The following ELMO1 variants were observed in gnomAD, a reference collection of about 807,000 sequenced individuals.
ELMO1 encodes engulfment and cell motility protein 1.
In ELMO1, 26 loss-of-function variants were observed where a neutral mutation model predicts 98.9. The ratio of observed to expected loss-of-function variants is 0.26; its 90% CI spans 0.19 to 0.36. The LOEUF is 0.36. ELMO1 is among the 10% of genes least tolerant of loss of function. The pLI, the probability that ELMO1 is intolerant of heterozygous loss-of-function variation, is 1.00. For synonymous variants in ELMO1, 346 were observed against 346.0 expected (o/e 1.00, Z 0.00); for missense variants, 627 against 935.2 (o/e 0.67, Z 4.30).
chr7:37,412,708 T>A (rs1804044770), intron 1 of ELMO1, among the ~76,000 whole-genome samples: 1 of 152,048 alleles, frequency 6.6e-6, no homozygotes, highest in Admixed American at 6.6e-5. Context: ...ACATGCAGAG[T>A]GTGTGGGAAG....
intron 13 of ELMO1, among the ~76,000 whole-genome samples, chr7:37,165,503 T>C (rs1337301406): frequency 2.0e-5 from 3 of 152,298 alleles, no homozygotes; most frequent in Admixed American, 2.0e-4. Flanking sequence ...TATTTTGAGA[T>C]ATGTCCCATC....
chr7:37,014,211 T>G (rs1337200830), intron 15 of ELMO1, among the ~76,000 whole-genome samples: 2 of 152,152 alleles, frequency 1.3e-5, no homozygotes. Flanking sequence ...TCATCCCATC[T>G]GTCAAGCTTA....
At chr7:36,922,635 T>C (rs1345705814) in intron 16 of ELMO1, among the ~76,000 whole-genome samples, 1 of 152,144 alleles carries the variant, frequency 6.6e-6, no homozygotes, top group African/African-American at 2.4e-5. Context: ...AGAAGCTCCA[T>C]CTTATAAATG....
intron 15 of ELMO1, among the ~76,000 whole-genome samples, chr7:37,092,843 A>C (rs1454312930): frequency 1.3e-5 from 2 of 152,128 alleles, no homozygotes; most frequent in Non-Finnish European, 2.9e-5. Flanking sequence ...CTGTGATTCC[A>C]AGATGGGTCA....
At chr7:37,216,786 C>T (rs1050167809) in intron 10 of ELMO1, 91 bp from the exon 11 acceptor site, 5 of 1,314,684 alleles carry the variant, frequency 3.8e-6, no homozygotes, top group East Asian at 2.3e-5. Flanking sequence ...GGGTGTGCTT[C>T]GTAACTGTAT....
intron 1 of ELMO1, among the ~76,000 whole-genome samples, chr7:37,402,155 T>A (rs1456528169): frequency 6.6e-6 from 1 of 152,230 alleles, no homozygotes; most frequent in Non-Finnish European, 1.5e-5. Context: ...GTCATGAACC[T>A]GTTGATGAGT....
rs181001006 is a variant in ELMO1, at chr7:37,378,850, C to A, written c.-73-36087G>T. Among the ~76,000 whole-genome samples, 7 of 152,226 alleles carry A rather than the reference C, an allele frequency of 4.6e-5. No individual in the cohort carries two copies. The East Asian group carries it at 1.4e-3, about 29-fold the overall frequency. On this transcript the variant is annotated intron_variant, in intron 1 of 21. Coordinates refer to ENST00000310758, the MANE Select transcript of ELMO1 (RefSeq NM_014800.11). ...CTTCTCCTTTCACCGCTACTGCCACCATCACTTTTGCTTGGACTCCTGCAG... is the reference window on the plus strand; with the variant it reads ...CTTCTCCTTTCACCGCTACTGCCACAATCACTTTTGCTTGGACTCCTGCAG...
At chr7:37,290,034 A>G (rs577874137) in intron 4 of ELMO1, among the ~76,000 whole-genome samples, 49 of 152,364 alleles carry the variant, frequency 3.2e-4, no homozygotes, top group African/African-American at 1.2e-3. Context: ...CAATTGGGAA[A>G]GCCACGCTAA....
At chr7:37,371,585 C>A (rs755457523) in intron 1 of ELMO1, among the ~76,000 whole-genome samples, 2 of 152,108 alleles carry the variant, frequency 1.3e-5, no homozygotes, top group Non-Finnish European at 2.9e-5. Context: ...ATATATATTT[C>A]AATTGGCTAT....
chr7:37,196,307 G>T (rs778218618), intron 13 of ELMO1, among the ~76,000 whole-genome samples: 16 of 152,194 alleles, frequency 1.1e-4, no homozygotes, highest in Non-Finnish European at 1.9e-4. Flanking sequence ...CCAAACACTG[G>T]CCCTGCCACT....
intron 5 of ELMO1, chr7:37,271,553 C>T (rs1796559449): frequency 2.6e-6 from 1 of 381,646 alleles, no homozygotes; most frequent in East Asian, 4.9e-5. Context: ...CAGAACAACT[C>T]ATAATGTTTT....
chr7:37,052,941 T>C (rs1796189306), intron 15 of ELMO1, among the ~76,000 whole-genome samples: 2 of 152,292 alleles, frequency 1.3e-5, no homozygotes, highest in Middle Eastern at 3.4e-3. Flanking sequence ...GAAAGCCTGA[T>C]AGCAGTGTCT....
intron 1 of ELMO1, among the ~76,000 whole-genome samples, chr7:37,419,942 T>A (rs1481479657): frequency 1.3e-5 from 2 of 152,224 alleles, no homozygotes; most frequent in Admixed American, 6.5e-5. Context: ...TATATGCATT[T>A]TCCCTTGCAC....
At chr7:37,111,462 A>C (rs1376134981) in intron 14 of ELMO1, among the ~76,000 whole-genome samples, 1 of 152,246 alleles carries the variant, frequency 6.6e-6, no homozygotes, top group Admixed American at 6.5e-5. Context: ...CAGCAGGAGT[A>C]TTGATACCAC....
At chr7:37,036,722 C>G (rs1318189411) in intron 15 of ELMO1, among the ~76,000 whole-genome samples, 1 of 152,090 alleles carries the variant, frequency 6.6e-6, no homozygotes, top group Non-Finnish European at 1.5e-5. Context: ...GATGGGAAAT[C>G]AGGAGGAAGT....
At position 37,169,008 on chromosome 7, in the gene ELMO1, C is replaced by T. The variant is rs541932162; in HGVS notation, c.1087-35774G>A. Among the ~76,000 whole-genome samples, 24 of 152,282 alleles carry T rather than the reference C, an allele frequency of 1.6e-4. 1 individual carries two copies. The East Asian group carries it at 3.5e-3, about 22-fold the overall frequency. On this transcript the variant is annotated intron_variant, in intron 13 of 21. Transcript: ENST00000310758. ...TGGGCTCCAACCAGTTCGAGCTTCC[C>T]GGCTGCTTTGTTTACCTAAGCAAGC...
intron 4 of ELMO1, among the ~76,000 whole-genome samples, chr7:37,274,775 A>C (rs909755422): frequency 1.3e-5 from 2 of 151,936 alleles, no homozygotes; most frequent in Non-Finnish European, 2.9e-5. Context: ...CTGGTCTCAA[A>C]CTCCTGACCT....
chr7:36,900,809 A>G (rs186702667), intron 16 of ELMO1, among the ~76,000 whole-genome samples: 53 of 152,366 alleles, frequency 3.5e-4, no homozygotes, highest in Admixed American at 3.0e-3. Context: ...CTAGCTAAAA[A>G]TGACTCATGT....
intron 15 of ELMO1, among the ~76,000 whole-genome samples, chr7:37,020,623 T>A (rs996672675): frequency 6.6e-6 from 1 of 152,212 alleles, no homozygotes; most frequent in East Asian, 1.9e-4. Context: ...TTTGAGATGC[T>A]GAAAAGCTCT....
Sources: allele counts gnomAD v4.1 joint callset (sites outside exome capture counted in the v4.1 genomes callset), GRCh38; gene constraint gnomAD v4.1.1; transcripts MANE v1.5; gene names NCBI Gene and HGNC (gene_info 2026-07-23, HGNC 2026-07-21).